The following GARNL3 variants were observed in gnomAD, a reference collection of about 807,000 sequenced individuals.
GARNL3 encodes the protein GTPase-activating Rap/Ran-GAP domain-like protein 3.
GARNL3 carries 63 observed loss-of-function variants against 125.0 expected under a neutral mutation model. The observed-to-expected ratio is 0.50, with a 90% CI of 0.41 to 0.62. The LOEUF is 0.62. Among genes scored for constraint, GARNL3 ranks in the 20% least tolerant of loss-of-function variants. The pLI, the probability that GARNL3 is intolerant of heterozygous loss-of-function variation, is 0.00. For synonymous variants in GARNL3, 439 were observed against 457.5 expected (o/e 0.96, Z 0.52); for missense variants, 994 against 1,244.0 (o/e 0.80, Z 3.02).
intron 1 of GARNL3, among the ~76,000 whole-genome samples, chr9:127,237,167 C>T (rs899640081): frequency 1.3e-5 from 2 of 152,164 alleles, no homozygotes; most frequent in African/African-American, 4.8e-5. Flanking sequence ...GGAAAGCTGC[C>T]GCATCATGTC....
rs1435478196 is a variant in GARNL3 at position 127,364,176 on chromosome 9, T to C, written c.2095-1124T>C. ...ACATCTGAGAACAAACGACATAGTC[T>C]AGGGGCTGCAGCCCTGGGGAGAATG... On this transcript the variant is annotated intron_variant, in intron 21 of 27. Coordinates refer to ENST00000373387, the MANE Select transcript of GARNL3 (RefSeq NM_032293.5). The surrounding 1 kb of genome is among the most constrained non-coding windows in gnomAD (Gnocchi z 4.2). 1 of 152,202 alleles carries C rather than the reference T, an allele frequency of 6.6e-6. No homozygotes were observed. Among genetic ancestry groups the C allele is most frequent in the Non-Finnish European group, 1.5e-5 (1 of 68,052 alleles). 9.4% of individuals were successfully genotyped at this position (152,202 alleles called of 1,614,324 possible).
intron 1 of GARNL3, among the ~76,000 whole-genome samples, chr9:127,231,035 C>CATACATATATATAT (rs2062994834): frequency 1.8e-5 from 1 of 55,842 alleles, no homozygotes; most frequent in Non-Finnish European, 3.1e-5. Context: ...TGTATATATA[C>CATACATATATATAT]ATATATATAT....
In GARNL3 at chr9:127,385,823, T is replaced by C. The variant is rs1309791851; in HGVS notation, c.2388+678T>C. ...CTGCCTATTTGTTCATCTTTGCTGC[T>C]GCACTGATGGTTCTGTGAGAGCAGA... On this transcript the variant is annotated intron_variant, in intron 24 of 27. Coordinates refer to ENST00000373387, the MANE Select transcript of GARNL3 (RefSeq NM_032293.5). The surrounding 1 kb of genome is among the most constrained non-coding windows in gnomAD (Gnocchi z 4.1). Among the ~76,000 whole-genome samples the C allele has an allele frequency of 6.6e-6, 1 of 152,222 alleles. No individual in the cohort carries two copies. The highest frequency in any genetic ancestry group is 1.5e-5 in the Non-Finnish European group (1 of 68,026).
Position 127,354,420 on chromosome 9 carries a change from T to G in GARNL3, c.1759+10T>G. On this transcript the variant is annotated intron_variant, in intron 19 of 27. Coordinates refer to ENST00000373387, the MANE Select transcript of GARNL3 (RefSeq NM_032293.5). ...TTGGAGAAAACAAAAGGTGACTTGA[T>G]AGATTGGTAGATTCCATTCGATTCG... 6.7e-7 allele frequency: 1 copy of G among 1,492,258 alleles called. No individual in the cohort carries two copies. Among genetic ancestry groups the G allele is most frequent in the African/African-American group, 1.4e-5 (1 of 72,154 alleles). 92.4% of individuals were successfully genotyped at this position (1,492,258 alleles called of 1,614,324 possible). A position where few individuals can be genotyped will look rare whatever the true frequency, so the allele number is the denominator to read the frequency against.
At chr9:127,386,088 T>TA (rs1832528453) in intron 24 of GARNL3, among the ~76,000 whole-genome samples, 1 of 152,244 alleles carries the variant, frequency 6.6e-6, no homozygotes, top group Non-Finnish European at 1.5e-5. Context: ...TCTTACAAAA[T>TA]GTTTTTGTTA....
At chr9:127,295,902 T>C (rs1197552616) in intron 2 of GARNL3, among the ~76,000 whole-genome samples, 1 of 152,138 alleles carries the variant, frequency 6.6e-6, no homozygotes, top group Non-Finnish European at 1.5e-5. Context: ...TATTATTACA[T>C]TGTAATATAT....
At chr9:127,262,709 G>A (rs1372851476), upstream of GARNL3, among the ~76,000 whole-genome samples, 1 of 152,270 alleles carries the variant, frequency 6.6e-6, no homozygotes, top group Non-Finnish European at 1.5e-5. Context: ...TGCCCTGGTA[G>A]AAGAGGTGCT....
chr9:127,225,400 C>T, intron 1 of GARNL3: 2 of 982,478 alleles, frequency 2.0e-6, no homozygotes, highest in South Asian at 9.4e-5. Flanking sequence ...TTCGAGAGCC[C>T]AAGGTACTGC....
chr9:127,359,169 T>C (rs947144356), intron 21 of GARNL3, among the ~76,000 whole-genome samples: 7 of 150,294 alleles, frequency 4.7e-5, no homozygotes, highest in Admixed American at 4.0e-4. Context: ...TCTGAGGAGC[T>C]GGAGCCCTGA....
In GARNL3 at chr9:127,338,561, A is replaced by G. The variant is rs553960990; in HGVS notation, c.1028+400A>G. On this transcript the variant is annotated intron_variant, in intron 12 of 27. Coordinates refer to ENST00000373387, the MANE Select transcript of GARNL3 (RefSeq NM_032293.5). ...TTTGAGTTCGAATCCCAGTTCTATCATTTATTTGAGGCTTTGAAAAAAATG... is the reference window on the plus strand; with the variant it reads ...TTTGAGTTCGAATCCCAGTTCTATCGTTTATTTGAGGCTTTGAAAAAAATG... Among the ~76,000 whole-genome samples, 8 of 152,342 alleles carry G rather than the reference A, an allele frequency of 5.3e-5. No homozygotes were observed. In the South Asian group the frequency reaches 1.0e-3, roughly 20 times the overall value.
rs1048997527 is a variant in GARNL3 at position 127,335,292 on chromosome 9, G to T, written c.832G>T (p.Val278Phe). 1 of 1,613,900 alleles carries T rather than the reference G, an allele frequency of 6.2e-7. No homozygotes were observed. Among genetic ancestry groups the T allele is most frequent in the Non-Finnish European group, 8.5e-7 (1 of 1,179,874 alleles). ...CCAAGGGCATGAGATCATGTTTCAT[G>T]TTTCCACCATGTTGCCATATTCCAA... ...VYQGHEIMFH[V>F]STMLPYSKEN... Residue 278 changes from valine to phenylalanine, a missense_variant, in exon 10 of 28, where the codon GTT (valine) becomes TTT (phenylalanine). Transcript: ENST00000373387.
intron 2 of GARNL3, among the ~76,000 whole-genome samples, chr9:127,292,829 G>GACT (rs2131376841): frequency 1.3e-5 from 2 of 152,310 alleles, no homozygotes; most frequent in African/African-American, 4.8e-5. Flanking sequence ...GATCAGGAGT[G>GACT]GCTTAAGAGT....
rs189433291 is a variant in GARNL3, at chr9:127,378,752, T to A, written c.2162-4686T>A. Among the ~76,000 whole-genome samples, 97 of 152,274 alleles carry A rather than the reference T, an allele frequency of 6.4e-4. No individual in the cohort carries two copies. The East Asian group carries it at 0.011, about 17-fold the overall frequency. On this transcript the variant is annotated intron_variant, in intron 22 of 27. Transcript: ENST00000373387. ...TTTTTAAGAGTTTGAGCAGTGATTT[T>A]TATATATATATTTTTTGTTTGTTTG...
Position 127,311,631 on chromosome 9 carries a change from T to TA in GARNL3, c.220-4dup. The TA allele has an allele frequency of 6.2e-7, 1 of 1,609,200 alleles. No individual in the cohort carries two copies. The highest frequency in any genetic ancestry group is 8.5e-7 in the Non-Finnish European group (1 of 1,175,584). On this transcript the variant is annotated splice_polypyrimidine_tract_variant and splice_region_variant and intron_variant, in intron 2 of 27. Transcript: ENST00000373387. The stretch of plus-strand genomic sequence containing the variant: ...TCTTAATGTCACAACTTTGTTCCAT[T>TA]ACAGAATGCAACTGCCCTGCCTGGT...
chr9:127,366,012 A>G (rs575166523), intron 22 of GARNL3, among the ~76,000 whole-genome samples: 1 of 152,328 alleles, frequency 6.6e-6, no homozygotes, highest in Non-Finnish European at 1.5e-5. Context: ...TCAGCATTTC[A>G]AAAGCTAATA....
Position 127,242,294 on chromosome 9 carries a change from A to C in GARNL3, c.-28-785A>C, listed in dbSNP as rs2063218676. 1.3e-5 allele frequency among the ~76,000 whole-genome samples: 2 copies of C among 152,108 alleles called. No homozygotes were observed. Among genetic ancestry groups the C allele is most frequent in the South Asian group, 4.1e-4 (2 of 4,824 alleles). On this transcript the variant is annotated intron_variant, in intron 1 of 10. Transcript: ENST00000439286. The surrounding 1 kb of genome is among the most constrained non-coding windows in gnomAD (Gnocchi z 4.6). ...GCTTTTTATTTTTCCATTTCCAAGT[A>C]ATTGGATTTTGCTGGCTTGTTTGTC...
At chr9:127,306,845 G>A (rs1032854065) in intron 2 of GARNL3, among the ~76,000 whole-genome samples, 8 of 152,020 alleles carry the variant, frequency 5.3e-5, no homozygotes, top group South Asian at 2.1e-4. Flanking sequence ...AGATCACGCC[G>A]CTGCACTCCA....
intron 1 of GARNL3, among the ~76,000 whole-genome samples, chr9:127,237,931 G>C (rs2063141104): frequency 6.6e-6 from 1 of 152,188 alleles, no homozygotes; most frequent in Non-Finnish European, 1.5e-5. Flanking sequence ...CAGATGGATT[G>C]TCTTTGCTCC....
chr9:127,285,080 G>C (rs1003818486), intron 1 of GARNL3, among the ~76,000 whole-genome samples: 5 of 152,130 alleles, frequency 3.3e-5, no homozygotes, highest in Admixed American at 6.5e-5. Context: ...TGCTAAAAAT[G>C]ACCTGTACAA....
Sources: allele counts gnomAD v4.1 joint callset (sites outside exome capture counted in the v4.1 genomes callset), GRCh38; gene constraint gnomAD v4.1.1; non-coding constraint Gnocchi (gnomAD v3.1); transcripts MANE v1.5; gene names NCBI Gene and HGNC (gene_info 2026-07-23, HGNC 2026-07-21).